The following ALK variants were observed in gnomAD, a reference collection of about 807,000 sequenced individuals.
ALK encodes the protein ALK tyrosine kinase receptor.
A neutral mutation model predicts 163.1 loss-of-function variants in ALK; 74 were observed. The observed-to-expected ratio is 0.45, with a 90% CI of 0.38 to 0.55. ALK has a LOEUF of 0.55. Ranked by LOEUF, ALK falls within the 20% of genes least tolerant of loss-of-function variation. ALK has a pLI of 0.00. For missense variants in ALK, 2,063 were observed against 2,105.3 expected (o/e 0.98, Z 0.39); for synonymous variants, 960 against 843.2 (o/e 1.14, Z -2.40).
intron 2 of ALK, among the ~76,000 whole-genome samples, chr2:29,705,240 A>AATATAT (rs1172702963): frequency 0.012 from 586 of 47,060 alleles, 10 homozygotes; most frequent in Non-Finnish European, 0.02. Flanking sequence ...AAAGAAAAGA[A>AATATAT]ATATATATAT....
At chr2:29,381,210 A>C (rs1668887925) in intron 5 of ALK, among the ~76,000 whole-genome samples, 1 of 152,266 alleles carries the variant, frequency 6.6e-6, no homozygotes. Flanking sequence ...TAAAATGAGG[A>C]TATTAGTCCC....
At chr2:29,593,503 GT>G (rs1274928755) in intron 3 of ALK, among the ~76,000 whole-genome samples, 5 of 152,158 alleles carry the variant, frequency 3.3e-5, no homozygotes, top group African/African-American at 1.2e-4. Context: ...TGCAAAACTT[GT>G]TTCCAGAAAG....
At chr2:29,656,958 T>G (rs1248344795) in intron 3 of ALK, among the ~76,000 whole-genome samples, 5 of 152,178 alleles carry the variant, frequency 3.3e-5, no homozygotes, top group Non-Finnish European at 5.9e-5. Context: ...CTCTTCTGCT[T>G]CCTCACTTTT....
At chr2:29,903,972 A>G (rs1667476957) in intron 1 of ALK, among the ~76,000 whole-genome samples, 1 of 152,210 alleles carries the variant, frequency 6.6e-6, no homozygotes, top group Non-Finnish European at 1.5e-5. Flanking sequence ...ATTTGATATT[A>G]CAGAAACAAA....
At chr2:29,614,782 C>A (rs1030899731) in intron 3 of ALK, among the ~76,000 whole-genome samples, 1 of 152,158 alleles carries the variant, frequency 6.6e-6, no homozygotes, top group African/African-American at 2.4e-5. Flanking sequence ...CCCCCCATCC[C>A]TGATGTTTCT....
intron 4 of ALK, among the ~76,000 whole-genome samples, chr2:29,466,368 C>G (rs1053981509): frequency 6.7e-6 from 1 of 149,618 alleles, no homozygotes; most frequent in Non-Finnish European, 1.5e-5. Flanking sequence ...CACACACACT[C>G]TCACACACTC....
At chr2:29,689,366 C>T (rs1316510570) in intron 3 of ALK, among the ~76,000 whole-genome samples, 1 of 152,184 alleles carries the variant, frequency 6.6e-6, no homozygotes, top group East Asian at 1.9e-4. Context: ...GAGAATTTTC[C>T]CGCAAAGTCT....
intron 4 of ALK, among the ~76,000 whole-genome samples, chr2:29,401,291 GTC>G (rs1185979799): frequency 2.0e-5 from 3 of 152,092 alleles, no homozygotes; most frequent in Admixed American, 6.5e-5. Flanking sequence ...GGTGGTGAGA[GTC>G]TCTTTCGAAT....
chr2:29,905,994 C>T (rs1344539108), intron 1 of ALK, among the ~76,000 whole-genome samples: 1 of 152,194 alleles, frequency 6.6e-6, no homozygotes, highest in Non-Finnish European at 1.5e-5. Flanking sequence ...TGTACCCCTG[C>T]CTGCAGTTCT....
At position 29,589,103 on chromosome 2, in the gene ALK, C is replaced by T. The variant is rs551081471; in HGVS notation, c.953-56987G>A. Among the ~76,000 whole-genome samples, 4 of 152,290 alleles carry T rather than the reference C, an allele frequency of 2.6e-5. No individual in the cohort carries two copies. The South Asian group carries it at 8.3e-4, about 32-fold the overall frequency. On this transcript the variant is annotated intron_variant, in intron 3 of 28. Transcript: ENST00000389048. ...ACCTTATCATCTCTGCAGCGTTCAA[C>T]CACCGAGCAAGCGATGATAGGTGAG...
intron 3 of ALK, among the ~76,000 whole-genome samples, chr2:29,548,981 A>G (rs1419189945): frequency 1.3e-5 from 2 of 152,168 alleles, no homozygotes; most frequent in Non-Finnish European, 1.5e-5. Context: ...TTAATGGGCC[A>G]TGAAATCAAT....
Position 29,920,664 on chromosome 2 carries a change from C to T in ALK, c.-5G>A, listed in dbSNP as rs56270786. On this transcript the variant is annotated 5_prime_UTR_variant, in exon 1 of 29. Transcript: ENST00000389048. ...CAGGAGCCCGATGGCTCCCATCCCG[C>T]CGGAGGAGGCCGTTTACACTGCTCT... The T allele has an allele frequency of 0.017, 26,630 of 1,534,458 alleles. 267 individuals carry two copies. Among genetic ancestry groups the T allele is most frequent in the Non-Finnish European group, 0.021 (23,920 of 1,147,210 alleles).
At chr2:29,499,826 C>T (rs1243224861) in intron 4 of ALK, among the ~76,000 whole-genome samples, 3 of 152,088 alleles carry the variant, frequency 2.0e-5, no homozygotes, top group Non-Finnish European at 4.4e-5. Context: ...ATAGATCTGA[C>T]TCCAGCTTCA....
chr2:29,571,707 C>G (rs939559850), intron 3 of ALK, among the ~76,000 whole-genome samples: 1 of 143,474 alleles, frequency 7.0e-6, no homozygotes, highest in Non-Finnish European at 1.5e-5. Context: ...ACCTCCGTCT[C>G]CTGGGTTCAA....
chr2:29,260,831 CT>C (rs1157424149), intron 11 of ALK, among the ~76,000 whole-genome samples: 4 of 133,804 alleles, frequency 3.0e-5, no homozygotes, highest in African/African-American at 1.1e-4. Flanking sequence ...GAGACTCTGC[CT>C]CAAAAACAAA....
At chr2:29,491,174 T>G (rs1237634529) in intron 4 of ALK, among the ~76,000 whole-genome samples, 2 of 152,224 alleles carry the variant, frequency 1.3e-5, no homozygotes, top group Non-Finnish European at 2.9e-5. Flanking sequence ...TCCCATTTTA[T>G]GGATCAGGAA....
chr2:29,569,530 T>G (rs114591556), intron 3 of ALK, among the ~76,000 whole-genome samples: 2,124 of 151,322 alleles, frequency 0.014, 19 homozygotes, highest in Non-Finnish European at 0.018. Context: ...TCAAAGAACA[T>G]GCCCAGTAAA....
intron 3 of ALK, 104 bp downstream of exon 3, chr2:29,694,746 T>C: frequency 6.8e-7 from 1 of 1,469,602 alleles, no homozygotes; most frequent in Non-Finnish European, 9.4e-7. Flanking sequence ...GGTTTCAAAG[T>C]AAACAGAGCA....
chr2:29,881,521 T>G (rs1666865989), intron 1 of ALK, among the ~76,000 whole-genome samples: 1 of 152,156 alleles, frequency 6.6e-6, no homozygotes, highest in Non-Finnish European at 1.5e-5. Context: ...CATGGCAAAC[T>G]TTTGTACTTG....
Sources: gnomAD v4.1 joint callset for allele counts (sites outside exome capture counted in the v4.1 genomes callset) on GRCh38, gnomAD v4.1.1 for gene constraint, MANE v1.5 for transcripts, NCBI Gene and HGNC (gene_info 2026-07-23, HGNC 2026-07-21) for gene names.